The following LRP12 variants were observed in gnomAD, a reference collection of about 807,000 sequenced individuals.
LRP12 encodes the protein LDL receptor related protein 12.
Under a neutral mutation model 66.0 loss-of-function variants are expected in LRP12, and 14 were observed. The observed-to-expected ratio is 0.21, with a 90% confidence interval of 0.14 to 0.33. LRP12 has a LOEUF of 0.33. LRP12 is among the 10% of genes least tolerant of loss of function. The pLI is 1.00. For missense variants in LRP12, 889 were observed against 1,053.4 expected (o/e 0.84, Z 2.16); for synonymous variants, 357 against 359.1 (o/e 0.99, Z 0.07).
intron 3 of LRP12, among the ~76,000 whole-genome samples, chr8:104,503,787 G>A (rs1328290248): frequency 6.6e-6 from 1 of 152,048 alleles, no homozygotes; most frequent in Non-Finnish European, 1.5e-5. Flanking sequence ...GCAAATAAAG[G>A]TTTTCTCTTC....
At chr8:104,517,244 G>A (rs1811083208) in intron 2 of LRP12, among the ~76,000 whole-genome samples, 1 of 149,960 alleles carries the variant, frequency 6.7e-6, no homozygotes, top group Non-Finnish European at 1.5e-5. Context: ...TTTAGGCAAA[G>A]TATCACATGT....
intron 6 of LRP12, among the ~76,000 whole-genome samples, chr8:104,492,211 T>G (rs1274253109): frequency 2.0e-5 from 3 of 151,286 alleles, no homozygotes; most frequent in Non-Finnish European, 2.9e-5. Context: ...TTAGATTCCT[T>G]CTTAATCTTT....
intron 2 of LRP12, among the ~76,000 whole-genome samples, chr8:104,511,030 C>CTTTTTTTTTTT (rs11350393): frequency 3.7e-5 from 2 of 54,324 alleles, no homozygotes; most frequent in Non-Finnish European, 3.2e-5. Context: ...GGAAAAATGA[C>CTTTTTTTTTTT]TTTTTTTTTT....
intron 1 of LRP12, among the ~76,000 whole-genome samples, chr8:104,576,001 C>T (rs1239019506): frequency 6.6e-6 from 1 of 151,872 alleles, no homozygotes; most frequent in Non-Finnish European, 1.5e-5. Context: ...GCAGAACAGA[C>T]CAAGCAGAGG....
chr8:104,588,013 A>G (rs1183501612), intron 1 of LRP12, among the ~76,000 whole-genome samples: 1 of 152,208 alleles, frequency 6.6e-6, no homozygotes, highest in Non-Finnish European at 1.5e-5. Context: ...TCAGACCCCA[A>G]CGCAATATAA....
intron 1 of LRP12, among the ~76,000 whole-genome samples, chr8:104,575,224 C>A (rs1478183852): frequency 6.6e-6 from 1 of 152,144 alleles, no homozygotes; most frequent in Non-Finnish European, 1.5e-5. Context: ...CAGTGCCCTG[C>A]CCCCAAGCCA....
Position 104,564,389 on chromosome 8 carries a change from A to C in LRP12, c.79+24430T>G, listed in dbSNP as rs1413543074. Reference sequence around the variant, plus strand: ...TAGCTGTTTCTATAAGAGCACTTTGAAAAGCAAGGATCTAGAGGTCATAAA... The same window carrying C: ...TAGCTGTTTCTATAAGAGCACTTTGCAAAGCAAGGATCTAGAGGTCATAAA... On this transcript the variant is annotated intron_variant, in intron 1 of 6. Coordinates refer to ENST00000276654, the MANE Select transcript of LRP12 (RefSeq NM_013437.5). Among the ~76,000 whole-genome samples, 6 of 152,154 alleles carry C rather than the reference A, an allele frequency of 3.9e-5. No individual in the cohort carries two copies. In the South Asian group the frequency reaches 1.2e-3, roughly 32 times the overall value.
intron 3 of LRP12, among the ~76,000 whole-genome samples, chr8:104,500,978 A>G (rs1810820745): frequency 6.6e-6 from 1 of 152,270 alleles, no homozygotes; most frequent in African/African-American, 2.4e-5. Context: ...TTAGGTAGAC[A>G]AAAGAGATTT....
chr8:104,499,417 T>C lies in LRP12; in HGVS notation c.375A>G (p.Thr125=). 6.2e-7 allele frequency: 1 copy of C among 1,613,818 alleles called. No homozygotes were observed. The highest frequency in any genetic ancestry group is 1.1e-5 in the South Asian group (1 of 91,076). The change falls in exon 4 of 7, where the codon ACA becomes ACG. Residue 125 remains threonine, a synonymous_variant. Transcript: ENST00000276654. ...GTGAAGAGATATACGGAGGTGGAAT[T>C]GTGGAACCACAAGCTCTGTAACTTT... ...NIESYRACGS[T]IPPPYISSQD... is the part of the protein sequence containing the mutation.
chr8:104,494,160 A>C (rs529770079), intron 6 of LRP12, among the ~76,000 whole-genome samples: 64 of 152,156 alleles, frequency 4.2e-4, no homozygotes, highest in African/African-American at 1.4e-3. Context: ...TTCTTACCTA[A>C]AAAAAAACTT....
At chr8:104,588,648 C>T (rs1254570410) in intron 1 of LRP12, among the ~76,000 whole-genome samples, 171 bp downstream of exon 1, 2 of 152,126 alleles carry the variant, frequency 1.3e-5, no homozygotes, top group Non-Finnish European at 2.9e-5. Flanking sequence ...AGAAAAGCAT[C>T]TCCGTGTGGG....
In LRP12 at chr8:104,498,023, T is replaced by C; in HGVS notation, c.529A>G (p.Lys177Glu). ...ACDQFRCGNG[K>E]CIPEAWKCNN... ...CATTTCCAGGCTTCTGGTATACACT[T>C]TCCATTACCACAACGAAACTGATCA... Residue 177 changes from lysine (K) to glutamate (E), a missense_variant, in exon 5 of 7, where the codon AAG becomes GAG. Transcript: ENST00000276654. 6.2e-7 allele frequency: 1 copy of C among 1,613,184 alleles called. No individual in the cohort carries two copies. Among genetic ancestry groups the C allele is most frequent in the Non-Finnish European group, 8.5e-7 (1 of 1,179,510 alleles).
Position 104,497,823 on chromosome 8 carries a change from A to G in LRP12, c.729T>C (p.Ile243=). 6.2e-7 allele frequency: 1 copy of G among 1,614,198 alleles called. No homozygotes were observed. The highest frequency in any genetic ancestry group is 8.5e-7 in the Non-Finnish European group (1 of 1,180,030). ...LPESLKCDGN[I]DCLDLGDEID... is the part of the protein sequence containing the mutation. ...TCTCATCTCCTAGGTCAAGGCAGTC[A>G]ATGTTCCCATCACATTTTAAAGATT... The change falls in exon 5 of 7, where the codon ATT becomes ATC. Residue 243 remains isoleucine, a synonymous_variant. Transcript: ENST00000276654. This position sits in a 1 kb window ranked among gnomAD's most constrained non-coding sequence, Gnocchi z 4.3.
Position 104,513,369 on chromosome 8 carries a change from T to C in LRP12, c.137-4295A>G, listed in dbSNP as rs539864856. 3.6e-3 allele frequency among the ~76,000 whole-genome samples: 552 copies of C among 152,298 alleles called. 2 individuals are homozygous for C. Among genetic ancestry groups the C allele is most frequent in the African/African-American group, 0.012 (509 of 41,568 alleles). On this transcript the variant is annotated intron_variant, in intron 2 of 6. Coordinates refer to ENST00000276654, the MANE Select transcript of LRP12 (RefSeq NM_013437.5). Reference sequence around the variant, plus strand: ...ATGTGTTGAAATACGGAGTTGCTATTTGATTACCTCTAAGGTCTATTTCAG... The same window carrying C: ...ATGTGTTGAAATACGGAGTTGCTATCTGATTACCTCTAAGGTCTATTTCAG...
At chr8:104,582,748 T>C (rs1006593352) in intron 1 of LRP12, among the ~76,000 whole-genome samples, 1 of 152,160 alleles carries the variant, frequency 6.6e-6, no homozygotes, top group African/African-American at 2.4e-5. Flanking sequence ...TGTGCTTGTA[T>C]AGTGTTCATA....
At chr8:104,501,920 C>T (rs527630074) in intron 3 of LRP12, among the ~76,000 whole-genome samples, 5 of 152,160 alleles carry the variant, frequency 3.3e-5, no homozygotes, top group South Asian at 2.1e-4. Context: ...AAGATCTCAA[C>T]GATGTTCAAC....
chr8:104,573,319 C>A (rs963058889), intron 1 of LRP12, among the ~76,000 whole-genome samples: 1 of 152,106 alleles, frequency 6.6e-6, no homozygotes, highest in African/African-American at 2.4e-5. Context: ...ACCGGATGTA[C>A]CCTACTGACA....
intron 2 of LRP12, among the ~76,000 whole-genome samples, chr8:104,512,625 C>T (rs182847367): frequency 2.6e-5 from 4 of 152,130 alleles, no homozygotes; most frequent in Non-Finnish European, 5.9e-5. Context: ...AAGAACATTC[C>T]TAACCTTTGA....
In LRP12 at chr8:104,507,583, T is replaced by TA. The variant is rs1282496208; in HGVS notation, c.272+1355dup. 5.9e-5 allele frequency: 9 copies of TA among 152,216 alleles called. 1 individual carries two copies. The highest frequency in any genetic ancestry group is 2.0e-4 in the Admixed American group (3 of 15,280). 9.4% of individuals were successfully genotyped at this position (152,216 alleles called of 1,614,324 possible). On this transcript the variant is annotated intron_variant, in intron 3 of 6. Coordinates refer to ENST00000276654, the MANE Select transcript of LRP12 (RefSeq NM_013437.5). ...ATGCTAAAAAACTCCCAATATGTGG[T>TA]AAAAATGTTATTTTGTAAACATACT... is the stretch of plus-strand genomic sequence containing the variant.
Sources: gnomAD v4.1 joint callset for allele counts (sites outside exome capture counted in the v4.1 genomes callset) on GRCh38, gnomAD v4.1.1 for gene constraint, Gnocchi (gnomAD v3.1) non-coding constraint, MANE v1.5 for transcripts, NCBI Gene and HGNC (gene_info 2026-07-23, HGNC 2026-07-21) for gene names.